DOCK10: variants seen among roughly 807,000 people sequenced by gnomAD.
The protein encoded by DOCK10 is dedicator of cytokinesis protein 10.
DOCK10 carries 145 observed loss-of-function variants against 280.1 expected under a neutral mutation model. The observed-to-expected ratio is 0.52, with a 90% CI of 0.45 to 0.59. DOCK10 has a LOEUF of 0.59. Ranked by LOEUF, DOCK10 falls within the 20% of genes least tolerant of loss-of-function variation. The pLI, the probability that DOCK10 is intolerant of heterozygous loss-of-function variation, is 0.00. For synonymous variants in DOCK10, 915 were observed against 942.2 expected, an observed-to-expected ratio of 0.97 and a Z score of 0.53; for missense variants, 2,368 against 2,651.7, an observed-to-expected ratio of 0.89 and a Z score of 2.35.
chr2:224,852,890 A>G, intron 17 of DOCK10, 45 bp downstream of exon 17: 1 of 1,477,986 alleles, frequency 6.8e-7, no homozygotes. Flanking sequence ...TATGGTCTAA[A>G]TACGGTGAAA....
intron 2 of DOCK10, among the ~76,000 whole-genome samples, chr2:224,917,101 C>CTTTTTTATT (rs1701375712): frequency 1.0e-5 from 1 of 95,774 alleles, no homozygotes; most frequent in Non-Finnish European, 1.9e-5. Flanking sequence ...CTATTGGAAT[C>CTTTTTTATT]TTTTTTTTTT....
At chr2:224,865,723 AT>A (rs1042138128) in intron 11 of DOCK10, among the ~76,000 whole-genome samples, 2 of 152,080 alleles carry the variant, frequency 1.3e-5, no homozygotes, top group Non-Finnish European at 2.9e-5. Context: ...GATATTAACT[AT>A]TTTTTCTCTT....
chr2:224,778,159 C>G lies in DOCK10; in HGVS notation c.5781G>C (p.Lys1927Asn). The stretch of plus-strand genomic sequence containing the variant: ...CTACCTTGTTGGAATCCTGGATTAT[C>G]TTCACATTGTCTGCTCCAAATTTAT... ...YADKFGADNV[K>N]IIQDSNKVNP... Residue 1927 changes from lysine (K) to asparagine (N), a missense_variant, in exon 51 of 56, where the codon AAG becomes AAC. Lys to Asn is a moderately conservative substitution (Grantham distance 94). This residue lies in a region of DOCK10 where 1,159 missense variants were observed against 1,400.8 expected (regional missense o/e 0.83). Transcript: ENST00000258390. 6.2e-7 allele frequency: 1 copy of G among 1,613,488 alleles called. No individual in the cohort carries two copies. Among genetic ancestry groups the G allele is most frequent in the Non-Finnish European group, 8.5e-7 (1 of 1,179,674 alleles).
chr2:224,857,077 T>C (rs1697197688), intron 14 of DOCK10, 95 bp from the exon 15 acceptor site: 7 of 1,025,352 alleles, frequency 6.8e-6, no homozygotes, highest in Non-Finnish European at 9.2e-6. Context: ...TCATTTATAA[T>C]CAGAGAAACT....
chr2:225,005,065 A>C (rs1181659189), intron 1 of DOCK10, among the ~76,000 whole-genome samples: 3 of 152,254 alleles, frequency 2.0e-5, no homozygotes, highest in Non-Finnish European at 2.9e-5. Context: ...GATATATTAG[A>C]GGCAATTTGA....
chr2:224,980,869 T>C (rs141814199), intron 1 of DOCK10, among the ~76,000 whole-genome samples: 44 of 152,286 alleles, frequency 2.9e-4, no homozygotes, highest in African/African-American at 1.0e-3. Flanking sequence ...AGGTATTATA[T>C]AAATCAAAAG....
At position 224,885,687 on chromosome 2, in the gene DOCK10, C is replaced by T. The variant is rs1418609075; in HGVS notation, c.731G>A (p.Cys244Tyr). Residue 244 changes from cysteine (C) to tyrosine (Y), a missense_variant, in exon 7 of 56, where the codon TGT becomes TAT. Physicochemically the swap from Cys to Tyr is radical, Grantham distance 194. Coordinates refer to ENST00000258390, the MANE Select transcript of DOCK10 (RefSeq NM_014689.3). ...EPKGCIFLDS[C>Y]TGVVQNNRLR... is the part of the protein sequence containing the mutation. ...TCTACTCACCTGCACCACTCCTGTA[C>T]AGGAATCCAAAAAGATGCATCCTTT... is the stretch of plus-strand genomic sequence containing the variant. The T allele has an allele frequency of 1.2e-6, 2 of 1,610,244 alleles. No individual in the cohort carries two copies. The highest frequency in any genetic ancestry group is 1.3e-5 in the African/African-American group (1 of 74,974).
At chr2:224,982,224 TG>T (rs1205169764) in intron 1 of DOCK10, 2 of 1,231,788 alleles carry the variant, frequency 1.6e-6, no homozygotes, top group Non-Finnish European at 2.0e-6. Flanking sequence ...ATGAGGGTTC[TG>T]GGTCTATTCA....
At position 224,886,439 on chromosome 2, in the gene DOCK10, A is replaced by G; in HGVS notation, c.489+20T>C. 6.3e-7 allele frequency: 1 copy of G among 1,595,848 alleles called. No homozygotes were observed. Among genetic ancestry groups the G allele is most frequent in the South Asian group, 1.1e-5 (1 of 89,944 alleles). On this transcript the variant is annotated intron_variant, in intron 5 of 55. Coordinates refer to ENST00000258390, the MANE Select transcript of DOCK10 (RefSeq NM_014689.3). ...ATTATCCTCATGTTTTAAACATCTC[A>G]CTTTCAACTATTTACTTACTTCATC...
rs369877355 is a variant in DOCK10 at position 224,808,025 on chromosome 2, C to A, written c.3471G>T (p.Leu1157=). The A allele has an allele frequency of 5.6e-6, 9 of 1,612,592 alleles. No individual in the cohort carries two copies. The African/African-American group carries it at 8.0e-5, about 14-fold the overall frequency. The change falls in exon 32 of 56, where the codon CTG becomes CTT. Residue 1157 remains leucine, a synonymous_variant. Transcript: ENST00000258390. ...FCRKHFLIGI[L]LREVGFALQE... is the part of the protein sequence containing the mutation. ...GCAGGGCAAAGCCAACTTCTCGGAG[C>A]AGAATTCCGATTAAGAAGTGTTTGC...
intron 3 of DOCK10, among the ~76,000 whole-genome samples, chr2:224,899,981 A>C (rs767363140): frequency 6.6e-6 from 1 of 152,178 alleles, no homozygotes; most frequent in Non-Finnish European, 1.5e-5. Flanking sequence ...TGGATCTCAG[A>C]TTTAGTTCTT....
intron 44 of DOCK10, among the ~76,000 whole-genome samples, chr2:224,795,430 A>G (rs893683916): frequency 1.3e-5 from 2 of 152,220 alleles, no homozygotes; most frequent in African/African-American, 2.4e-5. Context: ...TGGATGGCAT[A>G]TAACACTGGC....
chr2:225,035,597 TC>T, intron 1 of DOCK10, among the ~76,000 whole-genome samples: 2 of 97,130 alleles, frequency 2.1e-5, no homozygotes, highest in African/African-American at 7.7e-5. Flanking sequence ...TAACACTGAA[TC>T]AGTGTTAATT....
chr2:224,972,571 TTTAAAA>T (rs1373586413), intron 1 of DOCK10, among the ~76,000 whole-genome samples: 2 of 152,190 alleles, frequency 1.3e-5, no homozygotes, highest in Admixed American at 1.3e-4. Context: ...CTGAGATAAC[TTTAAAA>T]TTACAAATGA....
At chr2:224,832,811 C>A (rs550199833) in intron 26 of DOCK10, among the ~76,000 whole-genome samples, 1 of 152,316 alleles carries the variant, frequency 6.6e-6, no homozygotes, top group Admixed American at 6.5e-5. Flanking sequence ...CCTGCCTCCA[C>A]TATTTTCCTT....
At chr2:224,844,911 A>C in intron 21 of DOCK10, 72 bp from the exon 22 acceptor site, 1 of 1,114,084 alleles carries the variant, frequency 9.0e-7, no homozygotes. Flanking sequence ...TGTTTAGTTT[A>C]TGTTAATGTG....
intron 49 of DOCK10, 26 bp downstream of exon 49, chr2:224,787,249 A>G (rs1691794434): frequency 1.2e-6 from 2 of 1,613,232 alleles, no homozygotes; most frequent in Admixed American, 3.3e-5. Flanking sequence ...TATTTTAATT[A>G]ACTTCTAGGG....
intron 40 of DOCK10, 63 bp downstream of exon 40, chr2:224,801,853 G>T: frequency 6.5e-7 from 1 of 1,548,646 alleles, no homozygotes. Flanking sequence ...TGCATTTCAT[G>T]TCCTACACAT....
At chr2:224,765,882 T>C in intron 55 of DOCK10, 45 bp from the exon 56 acceptor site, 2 of 1,440,888 alleles carry the variant, frequency 1.4e-6, no homozygotes, top group Non-Finnish European at 1.9e-6. Context: ...CAGAGGTTAA[T>C]GTTAATATCC....
Sources: allele counts gnomAD v4.1 joint callset (sites outside exome capture counted in the v4.1 genomes callset), GRCh38; gene constraint gnomAD v4.1.1; regional missense constraint gnomAD v4.1.1; transcripts MANE v1.5; gene names NCBI Gene and HGNC (gene_info 2026-07-23, HGNC 2026-07-21).